FAM53B: variants seen among roughly 807,000 people sequenced by gnomAD.
FAM53B encodes the protein protein FAM53B.
FAM53B carries 12 observed loss-of-function variants against 32.7 expected under a neutral mutation model. That is an observed-to-expected ratio of 0.37 (90% CI 0.24 to 0.59). The LOEUF (loss-of-function observed/expected upper bound fraction) is 0.59, where lower values mean the gene tolerates loss of function less well. Among genes scored for constraint, FAM53B ranks in the 20% least tolerant of loss-of-function variants. The probability of loss-of-function intolerance (pLI) is 0.72; values close to 1 mark genes in which losing one functional copy is unlikely to be tolerated. For missense variants in FAM53B, 477 were observed against 577.7 expected (o/e 0.83, Z 1.79); for synonymous variants, 234 against 228.7 (o/e 1.02, Z -0.21).
At chr10:124,623,646 C>T in intron 4 of FAM53B, 42 bp from the exon 5 acceptor site, 2 of 1,569,544 alleles carry the variant, frequency 1.3e-6, no homozygotes, top group African/African-American at 2.7e-5. Flanking sequence ...GGTTACTCCC[C>T]TCCCGCAGCC....
intron 4 of FAM53B, among the ~76,000 whole-genome samples, chr10:124,624,667 A>G (rs573155422): frequency 1.3e-5 from 2 of 152,280 alleles, no homozygotes; most frequent in East Asian, 1.9e-4. Context: ...CAGAGCTTGA[A>G]CAGGATTTCA....
At chr10:124,707,510 G>C (rs1340832192) in intron 1 of FAM53B, among the ~76,000 whole-genome samples, 1 of 152,218 alleles carries the variant, frequency 6.6e-6, no homozygotes, top group East Asian at 1.9e-4. Flanking sequence ...AGCTTAGGCA[G>C]GTGGATCACC....
At chr10:124,742,400 T>A (rs1477235083) in intron 1 of FAM53B, 3 of 152,238 alleles carry the variant, frequency 2.0e-5, no homozygotes, top group Non-Finnish European at 1.5e-5. Context: ...AACAAAAACC[T>A]GGCCTAATAA....
At chr10:124,717,842 A>T (rs569098559) in intron 1 of FAM53B, among the ~76,000 whole-genome samples, 1 of 152,068 alleles carries the variant, frequency 6.6e-6, no homozygotes, top group East Asian at 1.9e-4. Flanking sequence ...TTCTAGGACA[A>T]CTCTCAGGAC....
intron 2 of FAM53B, among the ~76,000 whole-genome samples, chr10:124,704,982 AT>A (rs1184460117): frequency 6.6e-6 from 1 of 152,192 alleles, no homozygotes; most frequent in Admixed American, 6.5e-5. Context: ...GAAGAGCTGA[AT>A]GGTCACAGCA....
At chr10:124,680,612 C>A (rs1949763710) in intron 4 of FAM53B, among the ~76,000 whole-genome samples, 1 of 152,196 alleles carries the variant, frequency 6.6e-6, no homozygotes. Flanking sequence ...TGGATCTGGC[C>A]ATAATGCTGA....
intron 1 of FAM53B, among the ~76,000 whole-genome samples, chr10:124,726,997 GA>G (rs1950108231): frequency 6.6e-6 from 1 of 152,092 alleles, no homozygotes; most frequent in African/African-American, 2.4e-5. Flanking sequence ...TTAAAATCCA[GA>G]AGGCACTTTT....
intron 4 of FAM53B, among the ~76,000 whole-genome samples, chr10:124,640,323 G>A (rs893454599): frequency 3.3e-5 from 5 of 152,234 alleles, no homozygotes; most frequent in African/African-American, 1.2e-4. Flanking sequence ...GCAGGTTGGG[G>A]AGGGATCGTG....
intron 4 of FAM53B, among the ~76,000 whole-genome samples, chr10:124,672,236 A>G (rs1949711207): frequency 6.6e-6 from 1 of 152,258 alleles, no homozygotes; most frequent in African/African-American, 2.4e-5. Flanking sequence ...CTCTGGGCAC[A>G]GCTCCGTCTC....
intron 3 of FAM53B, among the ~76,000 whole-genome samples, chr10:124,683,513 G>A (rs181692693): frequency 2.0e-5 from 3 of 152,292 alleles, no homozygotes; most frequent in Admixed American, 2.0e-4. Context: ...TCTCAGCAAT[G>A]CAGATCACTC....
intron 4 of FAM53B, among the ~76,000 whole-genome samples, chr10:124,625,990 A>G (rs1949346089): frequency 6.6e-6 from 1 of 152,194 alleles, no homozygotes. Context: ...TGTCCAGTCA[A>G]GGCCAGAGCA....
intron 4 of FAM53B, among the ~76,000 whole-genome samples, chr10:124,669,339 G>A (rs1589744839): frequency 6.6e-6 from 1 of 152,156 alleles, no homozygotes; most frequent in Non-Finnish European, 1.5e-5. Flanking sequence ...GCAGTGCCAG[G>A]CAGAACTAAA....
At chr10:124,743,373 C>A (rs1434813223) in intron 1 of FAM53B, among the ~76,000 whole-genome samples, 1 of 152,208 alleles carries the variant, frequency 6.6e-6, no homozygotes, top group Admixed American at 6.5e-5. Flanking sequence ...GCCACGCCGG[C>A]GCGGACGCCC....
At chr10:124,726,402 CA>C (rs1372957957) in intron 1 of FAM53B, among the ~76,000 whole-genome samples, 17 of 152,340 alleles carry the variant, frequency 1.1e-4, no homozygotes, top group African/African-American at 4.1e-4. Flanking sequence ...GTGGCATCGT[CA>C]GAGCCTTGGC....
rs181181565 is a variant in FAM53B at position 124,726,124 on chromosome 10, C to A, written c.-175+17889G>T. Among the ~76,000 whole-genome samples, 175 of 152,216 alleles carry A rather than the reference C, an allele frequency of 1.1e-3. 2 individuals carry two copies. Among genetic ancestry groups the A allele is most frequent in the African/African-American group, 4.1e-3 (170 of 41,530 alleles). On this transcript the variant is annotated intron_variant, in intron 1 of 4. Coordinates refer to ENST00000337318, the MANE Select transcript of FAM53B (RefSeq NM_014661.4). ...TCTAGTAAGCCCTCCAGGTTGAGTCCGGTGGTTCCTAAAGTTTGAAAAACA... is the reference window on the plus strand; with the variant it reads ...TCTAGTAAGCCCTCCAGGTTGAGTCAGGTGGTTCCTAAAGTTTGAAAAACA...
chr10:124,635,809 G>A (rs1949426939), intron 4 of FAM53B, among the ~76,000 whole-genome samples: 1 of 152,146 alleles, frequency 6.6e-6, no homozygotes, highest in Non-Finnish European at 1.5e-5. Flanking sequence ...GGGTACATCT[G>A]TGCAGTGGAA....
At chr10:124,666,540 G>T (rs369290854) in intron 4 of FAM53B, among the ~76,000 whole-genome samples, 1 of 152,180 alleles carries the variant, frequency 6.6e-6, no homozygotes, top group Non-Finnish European at 1.5e-5. Flanking sequence ...GACCACAACC[G>T]TGGAAAAATG....
intron 1 of FAM53B, among the ~76,000 whole-genome samples, chr10:124,720,024 G>A (rs564047423): frequency 2.0e-5 from 3 of 152,216 alleles, no homozygotes; most frequent in East Asian, 3.9e-4. Context: ...TTAGCAGGGT[G>A]TGGTGGCGGG....
rs74160950 is a variant in FAM53B at position 124,699,562 on chromosome 10, C to T, written c.79-3350G>A. On this transcript the variant is annotated intron_variant, in intron 2 of 4. Coordinates refer to ENST00000337318, the MANE Select transcript of FAM53B (RefSeq NM_014661.4). The stretch of plus-strand genomic sequence containing the variant: ...GAACGACTTCTCCATTTCCCCACCC[C>T]GGGCAAGCCACTGCTTGCTCCTCAC... 7.6e-4 allele frequency among the ~76,000 whole-genome samples: 116 copies of T among 152,378 alleles called. 1 individual carries two copies. Among genetic ancestry groups the T allele is most frequent in the African/African-American group, 2.8e-3 (115 of 41,598 alleles).
Sources: allele counts gnomAD v4.1 joint callset (sites outside exome capture counted in the v4.1 genomes callset), GRCh38; gene constraint gnomAD v4.1.1; transcripts MANE v1.5; gene names NCBI Gene and HGNC (gene_info 2026-07-23, HGNC 2026-07-21).